The following ESYT3 variants were observed in gnomAD, a reference collection of about 807,000 sequenced individuals.
The protein encoded by ESYT3 is extended synaptotagmin 3, also known as extended synaptotagmin-3.
A neutral mutation model predicts 111.5 loss-of-function variants in ESYT3; 101 were observed. The ratio of observed to expected loss-of-function variants is 0.91; its 90% CI spans 0.77 to 1.07. The LOEUF (loss-of-function observed/expected upper bound fraction) is 1.07, where lower values mean the gene tolerates loss of function less well. Among genes scored for constraint, ESYT3 ranks in the 50% least tolerant of loss-of-function variants. ESYT3 has a pLI of 0.00. For missense variants in ESYT3, 1,097 were observed against 1,109.4 expected (o/e 0.99, Z 0.16); for synonymous variants, 416 against 446.8 (o/e 0.93, Z 0.87).
rs1159316135 is a variant in ESYT3 at position 138,460,022 on chromosome 3, C to T, written c.726C>T (p.Phe242=). Residue 242 remains phenylalanine, a synonymous_variant, in exon 6 of 23, where the codon TTC becomes TTT. Transcript: ENST00000389567. ...TTGTGGGAGCCGTGACTGTGTTCTT[C>T]CTTCAGAAGCCGGTGAGTCCCAAGG... ...KPFVGAVTVF[F]LQKPHLQINW... The T allele has an allele frequency of 6.2e-7, 1 of 1,614,058 alleles. No individual in the cohort carries two copies. Among genetic ancestry groups the T allele is most frequent in the Non-Finnish European group, 8.5e-7 (1 of 1,179,904 alleles).
chr3:138,434,992 G>A lies in ESYT3; in HGVS notation c.194G>A (p.Gly65Asp), dbSNP rs896550437. ...LGLSITWLLL[G>D]ALLWMWWRRN... ...CTCAGCATAACCTGGTTGCTGCTCG[G>A]CGCCCTGCTGTGGATGTGGTGGCGC... is the stretch of plus-strand genomic sequence containing the variant. The change falls in exon 1 of 23, where the codon GGC becomes GAC. Residue 65 changes from glycine to aspartate, a missense_variant. Physicochemically the swap from Gly to Asp is moderately conservative, Grantham distance 94. Transcript: ENST00000389567. 2 of 1,562,244 alleles carry A rather than the reference G, an allele frequency of 1.3e-6. No homozygotes were observed. Among genetic ancestry groups the A allele is most frequent in the Non-Finnish European group, 1.7e-6 (2 of 1,152,606 alleles).
In ESYT3 at chr3:138,470,163, G is replaced by T; in HGVS notation, c.1590+17G>T. ...CATCTGAAGGTTTGATGGAAGAAGG[G>T]CTCTTGAAACAGAGTTAAGAGGTTT... On this transcript the variant is annotated intron_variant, in intron 16 of 22. Coordinates refer to ENST00000389567, the MANE Select transcript of ESYT3 (RefSeq NM_031913.5). The T allele has an allele frequency of 6.2e-7, 1 of 1,608,824 alleles. No individual in the cohort carries two copies. The highest frequency in any genetic ancestry group is 8.5e-7 in the Non-Finnish European group (1 of 1,176,682).
chr3:138,436,633 C>T (rs57521136), intron 1 of ESYT3, among the ~76,000 whole-genome samples: 4,244 of 152,306 alleles, frequency 0.028, 70 homozygotes, highest in South Asian at 0.057. Flanking sequence ...AGGGGTAGCG[C>T]ATGGGGCCTG....
At position 138,477,214 on chromosome 3, in the gene ESYT3, A is replaced by C; in HGVS notation, c.*360A>C. 5.8e-6 allele frequency: 1 copy of C among 172,014 alleles called. No homozygotes were observed. Among genetic ancestry groups the C allele is most frequent in the Non-Finnish European group, 1.2e-5 (1 of 81,340 alleles). 10.7% of individuals were successfully genotyped at this position (172,014 alleles called of 1,614,324 possible). ...TCTGATTTAGGACTTACCTGAATGT[A>C]TGTACCAGAAAGTGTCCTGCCTCTG... On this transcript the variant is annotated 3_prime_UTR_variant, in exon 23 of 23. Transcript: ENST00000389567.
At chr3:138,446,163 A>G (rs140414223) in intron 1 of ESYT3, among the ~76,000 whole-genome samples, 113 of 152,358 alleles carry the variant, frequency 7.4e-4, no homozygotes, top group African/African-American at 2.4e-3. Flanking sequence ...GCCTCTACCA[A>G]TCAGGGCTAA....
intron 11 of ESYT3, among the ~76,000 whole-genome samples, 186 bp downstream of exon 11, chr3:138,467,795 G>C (rs929759906): frequency 3.3e-5 from 5 of 152,154 alleles, no homozygotes; most frequent in African/African-American, 1.2e-4. Flanking sequence ...GCCCCAGCTG[G>C]AAGAAGTTTC....
chr3:138,457,384 A>G (rs1337483672), intron 3 of ESYT3, among the ~76,000 whole-genome samples, 184 bp from the exon 4 acceptor site: 1 of 151,724 alleles, frequency 6.6e-6, no homozygotes, highest in African/African-American at 2.4e-5. Flanking sequence ...AGGGAGAGAA[A>G]GGAGGGGGCA....
chr3:138,470,145 AGGTTTGAT>A lies in ESYT3; in HGVS notation c.1590+2_1590+9del. ...GTGGCCACTGAGCGGCTCCATCTGA[AGGTTTGAT>A]GGAAGAAGGGCTCTTGAAACAGAGT... On this transcript the variant is annotated splice_donor_variant and splice_donor_5th_base_variant and coding_sequence_variant and intron_variant, in exon 16 of 23. Transcript: ENST00000389567. LOFTEE classifies it high-confidence loss of function. The A allele has an allele frequency of 6.2e-7, 1 of 1,611,314 alleles. No homozygotes were observed. Among genetic ancestry groups the A allele is most frequent in the Non-Finnish European group, 8.5e-7 (1 of 1,178,202 alleles).
At chr3:138,474,974 G>A (rs1162826545) in intron 20 of ESYT3, among the ~76,000 whole-genome samples, 1 of 152,144 alleles carries the variant, frequency 6.6e-6, no homozygotes, top group African/African-American at 2.4e-5. Flanking sequence ...GACATTTCTA[G>A]CCAGCTTAGG....
At position 138,472,845 on chromosome 3, in the gene ESYT3, C is replaced by G; in HGVS notation, c.2223C>G (p.Ile741Met). The change falls in exon 18 of 23, where the codon ATC (isoleucine) becomes ATG (methionine). Residue 741 changes from isoleucine to methionine, a missense_variant. Ile to Met is a conservative substitution (Grantham distance 10, BLOSUM62 1). Transcript: ENST00000389567. ...CTTCTTGCTTTGACCTGGCAGATAT[C>G]AGCCTCAACATTGAGTATGCACCTC... is the stretch of plus-strand genomic sequence containing the variant. ...LASSCFDLAD[I>M]SLNIEGGDLR... 6.2e-7 allele frequency: 1 copy of G among 1,613,952 alleles called. No individual in the cohort carries two copies. The highest frequency in any genetic ancestry group is 8.5e-7 in the Non-Finnish European group (1 of 1,179,914).
intron 1 of ESYT3, 85 bp from the exon 2 acceptor site, chr3:138,451,963 A>G: frequency 6.7e-7 from 1 of 1,494,900 alleles, no homozygotes; most frequent in Non-Finnish European, 9.3e-7. Flanking sequence ...CGTGGGCGGA[A>G]TGGGAAGCCC....
At chr3:138,481,021 GGATAT>G (rs1296505861), downstream of ESYT3, 1 of 152,140 alleles carries the variant, frequency 6.6e-6, no homozygotes, top group East Asian at 1.9e-4. Flanking sequence ...TGGGACAATT[GGATAT>G]TCATGTGAGA....
At chr3:138,448,184 T>A (rs1322744359) in intron 1 of ESYT3, among the ~76,000 whole-genome samples, 2 of 149,030 alleles carry the variant, frequency 1.3e-5, no homozygotes, top group Admixed American at 1.4e-4. Context: ...GGAGAATCAC[T>A]TGAACCCAGT....
At chr3:138,460,141 C>CA in intron 6 of ESYT3, 107 bp downstream of exon 6, 1 of 940,464 alleles carries the variant, frequency 1.1e-6, no homozygotes, top group South Asian at 1.5e-5. Context: ...TGTCCCAGCC[C>CA]ACTGAGACCT....
At chr3:138,438,203 C>G (rs1195347394) in intron 1 of ESYT3, among the ~76,000 whole-genome samples, 1 of 152,196 alleles carries the variant, frequency 6.6e-6, no homozygotes, top group Non-Finnish European at 1.5e-5. Flanking sequence ...ACTGATTTCT[C>G]TGCGTGAAAG....
intron 10 of ESYT3, among the ~76,000 whole-genome samples, 172 bp downstream of exon 10, chr3:138,465,593 T>G (rs1007637402): frequency 3.9e-5 from 6 of 152,176 alleles, no homozygotes; most frequent in African/African-American, 1.4e-4. Context: ...ACCACAAACC[T>G]TCCCAGATGT....
At chr3:138,452,127 T>C (rs1471659809) in intron 2 of ESYT3, 38 bp downstream of exon 2, 13 of 1,598,838 alleles carry the variant, frequency 8.1e-6, no homozygotes, top group Non-Finnish European at 1.1e-5. Flanking sequence ...GCCGGACGCA[T>C]GCCAGCCTCG....
At position 138,470,096 on chromosome 3, in the gene ESYT3, G is replaced by A. The variant is rs544928371; in HGVS notation, c.1540G>A (p.Val514Met). ...PHNKDPVWSQ[V>M]FSFFVHNVAT... ...CAACAAGGACCCTGTGTGGAGCCAG[G>A]TGTTCTCCTTCTTTGTGCACAATGT... The change falls in exon 16 of 23, where the codon GTG becomes ATG. Residue 514 changes from valine (V) to methionine (M), a missense_variant. By Grantham distance (21) the Val-to-Met change is conservative. Coordinates refer to ENST00000389567, the MANE Select transcript of ESYT3 (RefSeq NM_031913.5). 56 of 1,613,278 alleles carry A rather than the reference G, an allele frequency of 3.5e-5. No homozygotes were observed. The South Asian group carries it at 5.9e-4, about 17-fold the overall frequency.
At position 138,434,659 on chromosome 3, in the gene ESYT3, G is replaced by A. The variant is rs934455012; in HGVS notation, c.-140G>A. 4 of 762,628 alleles carry A rather than the reference G, an allele frequency of 5.2e-6. No individual in the cohort carries two copies. The highest frequency in any genetic ancestry group is 3.0e-5 in the East Asian group (1 of 33,796). The allele number at this position is 762,628 out of a possible 1,614,324, so 47.2% of individuals were successfully genotyped here. The stretch of plus-strand genomic sequence containing the variant: ...CTCCGTCGCAGAGAACCCTGAGCTC[G>A]GCGCGCCGAGAGTCCCAGCAGGGCA... On this transcript the variant is annotated 5_prime_UTR_variant, in exon 1 of 23. Coordinates refer to ENST00000389567, the MANE Select transcript of ESYT3 (RefSeq NM_031913.5).
Sources: allele counts gnomAD v4.1 joint callset (sites outside exome capture counted in the v4.1 genomes callset), GRCh38; gene constraint gnomAD v4.1.1; transcripts MANE v1.5; gene names NCBI Gene and HGNC (gene_info 2026-07-23, HGNC 2026-07-21).